Variants in CALCOCO1 observed in about 807,000 individuals in gnomAD.
CALCOCO1 encodes the protein calcium binding and coiled-coil domain 1.
In CALCOCO1, 44 loss-of-function variants were observed where a neutral mutation model predicts 86.3. That is an observed-to-expected ratio of 0.51 (90% confidence interval 0.40 to 0.66). CALCOCO1 has a LOEUF of 0.66. Ranked by LOEUF, CALCOCO1 falls within the 30% of genes least tolerant of loss-of-function variation. The probability of loss-of-function intolerance (pLI) is 0.00; values close to 1 mark genes in which losing one functional copy is unlikely to be tolerated. For missense variants in CALCOCO1, 708 were observed against 851.1 expected (o/e 0.83, Z 2.09); for synonymous variants, 297 against 327.6 (o/e 0.91, Z 1.01).
chr12:53,716,107 A>AC, intron 8 of CALCOCO1, 60 bp from the exon 9 acceptor site: 9 of 1,600,936 alleles, frequency 5.6e-6, no homozygotes, highest in Non-Finnish European at 7.7e-6. Flanking sequence ...TCAGCCAGGG[A>AC]GGTAAACGCT....
In CALCOCO1 at chr12:53,711,758, A is replaced by T; in HGVS notation, c.*186T>A. The T allele has an allele frequency of 2.0e-6, 1 of 499,370 alleles. No individual in the cohort carries two copies. The highest frequency in any genetic ancestry group is 3.3e-6 in the Non-Finnish European group (1 of 300,080). The allele number at this position is 499,370 out of a possible 1,614,324, so 30.9% of individuals were successfully genotyped here. On this transcript the variant is annotated 3_prime_UTR_variant, in exon 15 of 15. Transcript: ENST00000550804. The stretch of plus-strand genomic sequence containing the variant: ...ACAGGACCCCTCCCTGGGACAAAAG[A>T]GCCAGGTAGGAGAGGATGAAGTGAG...
chr12:53,724,080 G>T (rs763495171), intron 3 of CALCOCO1: 1 of 412,872 alleles, frequency 2.4e-6, no homozygotes, highest in Non-Finnish European at 4.6e-6. Flanking sequence ...GCCCAGGCTG[G>T]AGTGCAGTGG....
At chr12:53,723,164 T>C (rs1036049141) in intron 4 of CALCOCO1, among the ~76,000 whole-genome samples, 1 of 152,186 alleles carries the variant, frequency 6.6e-6, no homozygotes, top group African/African-American at 2.4e-5. Context: ...AAGAGCCATA[T>C]ATAGTTAAGA....
At chr12:53,715,109 G>T in intron 10 of CALCOCO1, 91 bp downstream of exon 10, 1 of 1,457,158 alleles carries the variant, frequency 6.9e-7, no homozygotes, top group Non-Finnish European at 9.3e-7. Context: ...TGGACACCTA[G>T]CACTTCTGAG....
At chr12:53,719,943 C>T (rs1411383205) in intron 6 of CALCOCO1, 114 bp from the exon 7 acceptor site, 2 of 623,520 alleles carry the variant, frequency 3.2e-6, no homozygotes, top group South Asian at 2.3e-5. Flanking sequence ...CTCCATTTCA[C>T]TCTGGGATGC....
At chr12:53,713,953 G>T in intron 12 of CALCOCO1, 53 bp from the exon 13 acceptor site, 1 of 1,463,640 alleles carries the variant, frequency 6.8e-7, no homozygotes, top group Non-Finnish European at 9.3e-7. Flanking sequence ...GTGAGGAGTT[G>T]GACCAGCTGT....
Position 53,711,362 on chromosome 12 carries a change from T to C in CALCOCO1, c.*582A>G, listed in dbSNP as rs778995622. 172 of 383,444 alleles carry C rather than the reference T, an allele frequency of 4.5e-4. No homozygotes were observed. The highest frequency in any genetic ancestry group is 6.5e-4 in the Non-Finnish European group (141 of 217,158). The allele number at this position is 383,444 out of a possible 1,614,324, so 23.8% of individuals were successfully genotyped here. A position where few individuals can be genotyped will look rare whatever the true frequency, so the allele number is the denominator to read the frequency against. On this transcript the variant is annotated 3_prime_UTR_variant, in exon 15 of 15. Coordinates refer to ENST00000550804, the MANE Select transcript of CALCOCO1 (RefSeq NM_020898.3). ...ATACAAAAAACCCCTCCAAACTGAA[T>C]ACCTAAGGTTATGGAAAAGGCTAGG...
rs959358862 is a variant in CALCOCO1, at chr12:53,711,868, T to C, written c.*76A>G. On this transcript the variant is annotated 3_prime_UTR_variant, in exon 15 of 15. Coordinates refer to ENST00000550804, the MANE Select transcript of CALCOCO1 (RefSeq NM_020898.3). Reference sequence around the variant, plus strand: ...AGCCCAGTGTGATAGAAAATGGGCATGAAACCTAAGTGTATGCATGTGTGT... The same window carrying C: ...AGCCCAGTGTGATAGAAAATGGGCACGAAACCTAAGTGTATGCATGTGTGT... 2.3e-6 allele frequency: 3 copies of C among 1,306,438 alleles called. No homozygotes were observed. The highest frequency in any genetic ancestry group is 2.0e-6 in the Non-Finnish European group (2 of 982,390). 80.9% of individuals were successfully genotyped at this position (1,306,438 alleles called of 1,614,324 possible).
At chr12:53,724,249 T>C in intron 3 of CALCOCO1, 2 of 398,230 alleles carry the variant, frequency 5.0e-6, no homozygotes, top group Non-Finnish European at 9.8e-6. Flanking sequence ...GCATCCCCTT[T>C]TACTGTTAAG....
At position 53,713,275 on chromosome 12, in the gene CALCOCO1, CAGGTATGGGAAG is replaced by C. The variant is rs1458398969; in HGVS notation, c.1792-81_1792-70del. ...AAGATGGGGGAGCAGCACATTGGGA[CAGGTATGGGAAG>C]AGCAGCCAAGGCTAGGACAGTGACC... On this transcript the variant is annotated intron_variant, in intron 13 of 14. Coordinates refer to ENST00000550804, the MANE Select transcript of CALCOCO1 (RefSeq NM_020898.3). The C allele has an allele frequency of 1.4e-5, 18 of 1,317,306 alleles. No homozygotes were observed. In the African/African-American group the frequency reaches 2.6e-4, roughly 19 times the overall value. 81.6% of individuals were successfully genotyped at this position (1,317,306 alleles called of 1,614,324 possible).
chr12:53,712,301 G>A (rs895675549), intron 14 of CALCOCO1, 180 bp from the exon 15 acceptor site: 1 of 588,450 alleles, frequency 1.7e-6, no homozygotes, highest in Non-Finnish European at 3.0e-6. Flanking sequence ...TATTTTTCCA[G>A]TTCCCCATGT....
chr12:53,715,652 C>T, intron 9 of CALCOCO1, 141 bp downstream of exon 9: 1 of 1,143,436 alleles, frequency 8.7e-7, no homozygotes, highest in Non-Finnish European at 1.2e-6. Context: ...AGTGTACCTC[C>T]CTCAAAGCCC....
intron 13 of CALCOCO1, 114 bp downstream of exon 13, chr12:53,713,587 G>C: frequency 4.0e-6 from 4 of 996,222 alleles, no homozygotes; most frequent in African/African-American, 1.6e-5. Flanking sequence ...GATCGCTTCA[G>C]CCCAGGAGGC....
chr12:53,727,311 C>A (rs752548782), intron 1 of CALCOCO1, 93 bp downstream of exon 1: 14 of 152,250 alleles, frequency 9.2e-5, no homozygotes, highest in Non-Finnish European at 1.8e-4. Flanking sequence ...TATTCCCCTT[C>A]GACAGTTCCC....
intron 9 of CALCOCO1, 92 bp downstream of exon 9, chr12:53,715,701 C>A: frequency 6.6e-7 from 1 of 1,522,032 alleles, no homozygotes; most frequent in Non-Finnish European, 8.9e-7. Context: ...AACCCCTCTT[C>A]TCTCCTCCCA....
Position 53,724,719 on chromosome 12 carries a change from T to G in CALCOCO1, c.185A>C (p.His62Pro). ...AGGCACGGAAGACCACACAAATGTG[T>G]GGTAATCCCGAACACAGGCAGCCTC... is the stretch of plus-strand genomic sequence containing the variant. Reference protein sequence around the residue: ...KVEAACVRDYHTFVWSSVPES... With the variant: ...KVEAACVRDYPTFVWSSVPES... The change falls in exon 3 of 15, where the codon CAC (histidine) becomes CCC (proline). Residue 62 changes from histidine (H) to proline (P), a missense_variant. Transcript: ENST00000550804. 1 of 1,613,564 alleles carries G rather than the reference T, an allele frequency of 6.2e-7. No homozygotes were observed. The highest frequency in any genetic ancestry group is 8.5e-7 in the Non-Finnish European group (1 of 1,179,798).
intron 5 of CALCOCO1, 56 bp from the exon 6 acceptor site, chr12:53,721,671 GT>G (rs1373139023): frequency 1.2e-6 from 2 of 1,604,658 alleles, no homozygotes; most frequent in African/African-American, 1.3e-5. Flanking sequence ...CTCTCAAGTG[GT>G]GGAACAAAGG....
intron 1 of CALCOCO1, among the ~76,000 whole-genome samples, chr12:53,727,195 G>GGGGGCGCCCCCCAC (rs1555166759): frequency 1.3e-5 from 2 of 152,134 alleles, no homozygotes; most frequent in Admixed American, 6.5e-5. Context: ...AGGACGACGA[G>GGGGGCGCCCCCCAC]GGGGCGCCCC....
rs763444580 is a variant in CALCOCO1 at position 53,723,692 on chromosome 12, C to T, written c.351G>A (p.Gln117=). Residue 117 remains glutamine (Q), a synonymous_variant, in exon 4 of 15, where the codon CAG becomes CAA. Transcript: ENST00000550804. ...GQVCGQSPPF[Q]FREPRPMDEL... ...CATCCATGGGCCTTGGCTCTCGGAA[C>T]TGGAAAGGGGGGCTCTGCCCACACA... is the stretch of plus-strand genomic sequence containing the variant. The T allele has an allele frequency of 1.1e-5, 17 of 1,614,092 alleles. No homozygotes were observed. In the Admixed American group the frequency reaches 1.3e-4, roughly 13 times the overall value.
Sources: gnomAD v4.1 joint callset for allele counts (sites outside exome capture counted in the v4.1 genomes callset) on GRCh38, gnomAD v4.1.1 for gene constraint, MANE v1.5 for transcripts, NCBI Gene and HGNC (gene_info 2026-07-23, HGNC 2026-07-21) for gene names.